Variants in TP73 observed in about 807,000 individuals in gnomAD.
The protein encoded by TP73 is p53-like transcription factor.
TP73 carries 25 observed loss-of-function variants against 62.5 expected under a neutral mutation model. The ratio of observed to expected loss-of-function variants is 0.40; its 90% confidence interval spans 0.29 to 0.56. The LOEUF is 0.56. Ranked by LOEUF, TP73 falls within the 20% of genes least tolerant of loss-of-function variation. The pLI, the probability that TP73 is intolerant of heterozygous loss-of-function variation, is 0.46. For synonymous variants in TP73, 423 were observed against 377.5 expected (o/e 1.12, Z -1.40); for missense variants, 754 against 913.3 (o/e 0.83, Z 2.25).
chr1:3,711,942 G>T (rs1297386883), intron 4 of TP73, among the ~76,000 whole-genome samples: 1 of 152,122 alleles, frequency 6.6e-6, no homozygotes, highest in Non-Finnish European at 1.5e-5. Flanking sequence ...CGTCCAGGAG[G>T]GACATATGGA....
intron 4 of TP73, among the ~76,000 whole-genome samples, chr1:3,718,735 C>T (rs751719619): frequency 6.6e-6 from 1 of 152,204 alleles, no homozygotes; most frequent in Non-Finnish European, 1.5e-5. Flanking sequence ...CTCCCCTCCC[C>T]CTGAGTGTCT....
At chr1:3,697,240 C>T (rs550837303) in intron 3 of TP73, among the ~76,000 whole-genome samples, 1 of 151,398 alleles carries the variant, frequency 6.6e-6, no homozygotes, top group Non-Finnish European at 1.5e-5. Flanking sequence ...CCTTTGCTGA[C>T]GCCCGCCCTG....
At chr1:3,657,973 C>T (rs1159578951) in intron 1 of TP73, among the ~76,000 whole-genome samples, 1 of 152,162 alleles carries the variant, frequency 6.6e-6, no homozygotes, top group Admixed American at 6.5e-5. Context: ...TGGACCTGGC[C>T]GTGGGTGCTA....
chr1:3,692,043 G>A (rs1376703613), intron 3 of TP73, among the ~76,000 whole-genome samples: 1 of 152,214 alleles, frequency 6.6e-6, no homozygotes, highest in African/African-American at 2.4e-5. Context: ...GATATGTGCA[G>A]ATGTGTGTGT....
intron 4 of TP73, among the ~76,000 whole-genome samples, chr1:3,708,959 T>C (rs1639905253): frequency 6.6e-6 from 1 of 152,060 alleles, no homozygotes; most frequent in African/African-American, 2.4e-5. Context: ...CTGTCGGGAG[T>C]GCTGAGCAAG....
chr1:3,654,887 A>G (rs1644833192), intron 1 of TP73, among the ~76,000 whole-genome samples: 1 of 152,214 alleles, frequency 6.6e-6, no homozygotes, highest in Non-Finnish European at 1.5e-5. Context: ...GATTGATAAC[A>G]CTGAGCACGT....
In TP73 at chr1:3,707,812, AGGGCTGC is replaced by A. The variant is rs565515099; in HGVS notation, c.429+42_429+48del. 4.3e-4 allele frequency: 685 copies of A among 1,606,724 alleles called. 7 individuals are homozygous for A. In the South Asian group the frequency reaches 5.9e-3, roughly 14 times the overall value. ...GGACGGTGAGTTCCCCTAGTCCCTG[AGGGCTGC>A]GGGCTGCGGGCTGCGGGCTGGAGAG... On this transcript the variant is annotated intron_variant, in intron 4 of 13. Transcript: ENST00000378295.
In TP73 at chr1:3,696,591, C is replaced by G. The variant is rs150240849; in HGVS notation, c.187-10958C>G. Among the ~76,000 whole-genome samples, 843 of 151,370 alleles carry G rather than the reference C, an allele frequency of 5.6e-3. 7 individuals are homozygous for G. The highest frequency in any genetic ancestry group is 0.014 in the Middle Eastern group (4 of 292). On this transcript the variant is annotated intron_variant, in intron 3 of 13. Transcript: ENST00000378295. The surrounding 1 kb of genome is among the most constrained non-coding windows in gnomAD (Gnocchi z 4.1). The stretch of plus-strand genomic sequence containing the variant: ...GGGCAGCCTGGGAGGCCAGGAGGCA[C>G]GAGAGGCTGGCTGGGAGAACAGAAA...
rs766231402 is a variant in TP73, at chr1:3,707,619, C to G, written c.257C>G (p.Thr86Ser). 3 of 1,612,938 alleles carry G rather than the reference C, an allele frequency of 1.9e-6. No homozygotes were observed. Among genetic ancestry groups the G allele is most frequent in the Non-Finnish European group, 2.5e-6 (3 of 1,179,950 alleles). The change falls in exon 4 of 14, where the codon ACC (threonine) becomes AGC (serine). Residue 86 changes from threonine (T) to serine (S), a missense_variant. Physicochemically the swap from Thr to Ser is moderately conservative, Grantham distance 58 (BLOSUM62 1). Coordinates refer to ENST00000378295, the MANE Select transcript of TP73 (RefSeq NM_005427.4). Reference protein sequence around the residue: ...SSRAASASPYTPEHAASVPTH... With the variant: ...SSRAASASPYSPEHAASVPTH... ...CGCGCGGCCTCGGCCAGCCCCTACA[C>G]CCCAGAGCACGCCGCCAGCGTGCCC...
rs1462400966 is a variant in TP73 at position 3,672,552 on chromosome 1, C to A, written c.-33-9781C>A. 1.3e-5 allele frequency among the ~76,000 whole-genome samples: 2 copies of A among 152,106 alleles called. No homozygotes were observed. Among genetic ancestry groups the A allele is most frequent in the African/African-American group, 4.8e-5 (2 of 41,396 alleles). On this transcript the variant is annotated intron_variant, in intron 1 of 13. Transcript: ENST00000378295. The surrounding 1 kb of genome is among the most constrained non-coding windows in gnomAD (Gnocchi z 5.3). The stretch of plus-strand genomic sequence containing the variant: ...GTGAACACAGGTATCGACTCAGACA[C>A]CCACTCTGGCCATAAGCTCCGCTCT...
chr1:3,688,416 G>C (rs577915970), intron 3 of TP73, among the ~76,000 whole-genome samples: 2 of 152,220 alleles, frequency 1.3e-5, no homozygotes, highest in South Asian at 2.1e-4. Context: ...CCCCCTGTCT[G>C]TTCTGGCACA....
intron 3 of TP73, among the ~76,000 whole-genome samples, chr1:3,687,019 C>G (rs772981591): frequency 6.6e-6 from 1 of 152,172 alleles, no homozygotes; most frequent in African/African-American, 2.4e-5. Context: ...GACACCAGAA[C>G]AGCAGAGCCA....
intron 1 of TP73, among the ~76,000 whole-genome samples, chr1:3,679,509 CTCTG>C (rs1645459404): frequency 6.6e-6 from 1 of 151,494 alleles, no homozygotes; most frequent in Non-Finnish European, 1.5e-5. Flanking sequence ...CTCCCTGTCT[CTCTG>C]TCTCTGTCTC....
Position 3,699,178 on chromosome 1 carries a change from A to C in TP73, c.187-8371A>C, listed in dbSNP as rs1230183873. Reference sequence around the variant, plus strand: ...CATGTCGAATCTTGTTGGCATTTCCATTCGTTTAATCACGGGCTCCGGGAG... The same window carrying C: ...CATGTCGAATCTTGTTGGCATTTCCCTTCGTTTAATCACGGGCTCCGGGAG... On this transcript the variant is annotated intron_variant, in intron 3 of 13. Transcript: ENST00000378295. The surrounding 1 kb of genome is among the most constrained non-coding windows in gnomAD (Gnocchi z 4.1). Among the ~76,000 whole-genome samples, 1 of 152,058 alleles carries C rather than the reference A, an allele frequency of 6.6e-6. No homozygotes were observed. The highest frequency in any genetic ancestry group is 1.5e-5 in the Non-Finnish European group (1 of 68,000).
chr1:3,675,732 T>C (rs1645350131), intron 1 of TP73, among the ~76,000 whole-genome samples: 1 of 151,670 alleles, frequency 6.6e-6, no homozygotes, highest in Admixed American at 6.5e-5. Flanking sequence ...TCTTCCAGAG[T>C]GGGCTCAGTC....
chr1:3,730,238 C>A, intron 11 of TP73, 90 bp downstream of exon 11: 1 of 1,355,690 alleles, frequency 7.4e-7, no homozygotes, highest in South Asian at 1.8e-5. Flanking sequence ...AGCTCGGGAC[C>A]CAGGGCAGGT....
At chr1:3,700,597 G>C (rs1639078244) in intron 3 of TP73, among the ~76,000 whole-genome samples, 2 of 152,132 alleles carry the variant, frequency 1.3e-5, no homozygotes, top group Admixed American at 1.3e-4. Context: ...AGGAGTTCGA[G>C]ACCAGCCTGG....
chr1:3,676,840 C>T (rs1271347409), intron 1 of TP73, among the ~76,000 whole-genome samples: 2 of 151,894 alleles, frequency 1.3e-5, no homozygotes, highest in African/African-American at 2.4e-5. Flanking sequence ...CTCTCCGCCA[C>T]GGCCCCGACA....
At chr1:3,727,863 C>A in intron 8 of TP73, 93 bp downstream of exon 8, 1 of 1,440,094 alleles carries the variant, frequency 6.9e-7, no homozygotes. Flanking sequence ...AGGGACAGGG[C>A]CAGTCCCTGA....
Sources: gnomAD v4.1 joint callset for allele counts (sites outside exome capture counted in the v4.1 genomes callset) on GRCh38, gnomAD v4.1.1 for gene constraint, Gnocchi (gnomAD v3.1) non-coding constraint, MANE v1.5 for transcripts, NCBI Gene and HGNC (gene_info 2026-07-23, HGNC 2026-07-21) for gene names.